Variants in PPP3R1 observed in about 807,000 individuals in gnomAD.
PPP3R1 encodes the protein calcineurin subunit B type 1.
Under a neutral mutation model 22.6 loss-of-function variants are expected in PPP3R1, and 5 were observed. The ratio of observed to expected loss-of-function variants is 0.22; its 90% CI spans 0.12 to 0.46. PPP3R1 has a LOEUF of 0.46. Ranked by LOEUF, PPP3R1 falls within the 20% of genes least tolerant of loss-of-function variation. The probability of loss-of-function intolerance (pLI) is 0.99; values close to 1 mark genes in which losing one functional copy is unlikely to be tolerated. For synonymous variants in PPP3R1, 56 were observed against 65.2 expected, an observed-to-expected ratio of 0.86 and a Z score of 0.68; for missense variants, 61 against 203.2, an observed-to-expected ratio of 0.30 and a Z score of 4.25.
At chr2:68,236,453 CT>C (rs1389572287) in intron 1 of PPP3R1, among the ~76,000 whole-genome samples, 1 of 152,158 alleles carries the variant, frequency 6.6e-6, no homozygotes, top group African/African-American at 2.4e-5. Flanking sequence ...CTAATTACCC[CT>C]AACCTAAAAT....
At position 68,235,736 on chromosome 2, in the gene PPP3R1, G is replaced by A. The variant is rs182317044; in HGVS notation, c.3+16389C>T. ...TATATACCCAGGAATGGAATTACTA[G>A]GTCATATGGTAACTCTATGTTTGAC... On this transcript the variant is annotated intron_variant, in intron 1 of 5. Transcript: ENST00000234310. Among the ~76,000 whole-genome samples the A allele has an allele frequency of 5.7e-4, 86 of 152,178 alleles. No homozygotes were observed. In the South Asian group the frequency reaches 0.011, roughly 19 times the overall value.
intron 1 of PPP3R1, among the ~76,000 whole-genome samples, chr2:68,227,438 G>A (rs931325852): frequency 1.3e-4 from 19 of 151,952 alleles, no homozygotes; most frequent in African/African-American, 4.6e-4. Context: ...TTCTAGAACA[G>A]ATTCTCCTTA....
At chr2:68,186,421 T>A (rs1315592236) in intron 5 of PPP3R1, 47 bp downstream of exon 5, 1 of 1,509,670 alleles carries the variant, frequency 6.6e-7, no homozygotes, top group African/African-American at 1.4e-5. Flanking sequence ...TTTTAAAATA[T>A]GTTGCTGAAA....
At chr2:68,203,390 T>C (rs1002208970) in intron 2 of PPP3R1, among the ~76,000 whole-genome samples, 49 of 152,252 alleles carry the variant, frequency 3.2e-4, no homozygotes, top group African/African-American at 1.1e-3. Flanking sequence ...TCACCTGAGG[T>C]CAGGAGTTCA....
At chr2:68,238,844 G>GA (rs921239660) in intron 1 of PPP3R1, among the ~76,000 whole-genome samples, 1 of 151,964 alleles carries the variant, frequency 6.6e-6, no homozygotes, top group Non-Finnish European at 1.5e-5. Context: ...TTATGTCCCT[G>GA]AAAAAAACCT....
chr2:68,234,543 A>T (rs1427754244), intron 1 of PPP3R1, among the ~76,000 whole-genome samples: 1 of 152,192 alleles, frequency 6.6e-6, no homozygotes, highest in Non-Finnish European at 1.5e-5. Flanking sequence ...CTTAAATTCA[A>T]GTGGCTTGTT....
At chr2:68,185,993 G>A (rs1336462166) in intron 5 of PPP3R1, among the ~76,000 whole-genome samples, 1 of 152,174 alleles carries the variant, frequency 6.6e-6, no homozygotes, top group African/African-American at 2.4e-5. Flanking sequence ...ATAAAAAGGA[G>A]GAAGAAAATC....
In PPP3R1 at chr2:68,186,591, C is replaced by G; in HGVS notation, c.342G>C (p.Gln114His). The G allele has an allele frequency of 1.2e-6, 2 of 1,612,720 alleles. No individual in the cohort carries two copies. Among genetic ancestry groups the G allele is most frequent in the Non-Finnish European group, 1.7e-6 (2 of 1,178,894 alleles). Reference sequence around the variant, plus strand: ...TGTTCCCCACCATCATCTTCAATACCTGGAAGAGTTCCCCATTGGAAATAT... The same window carrying G: ...TGTTCCCCACCATCATCTTCAATACGTGGAAGAGTTCCCCATTGGAAATAT... ...DGYISNGELF[Q>H]VLKMMVGNNL... Residue 114 changes from glutamine to histidine, a missense_variant, in exon 5 of 6, where the codon CAG (glutamine) becomes CAC (histidine). Physicochemically the swap from Gln to His is conservative, Grantham distance 24 (BLOSUM62 0). Coordinates refer to ENST00000234310, the MANE Select transcript of PPP3R1 (RefSeq NM_000945.4).
intron 3 of PPP3R1, among the ~76,000 whole-genome samples, chr2:68,187,758 T>C (rs988280395): frequency 5.3e-5 from 8 of 152,192 alleles, no homozygotes; most frequent in African/African-American, 1.9e-4. Context: ...CTTCACTGCC[T>C]GATAAGCACT....
At chr2:68,231,996 A>T (rs1478161513) in intron 1 of PPP3R1, among the ~76,000 whole-genome samples, 1 of 151,200 alleles carries the variant, frequency 6.6e-6, no homozygotes, top group African/African-American at 2.4e-5. Flanking sequence ...GCCGTGGCTC[A>T]TGCCTGTAAT....
intron 1 of PPP3R1, among the ~76,000 whole-genome samples, chr2:68,222,769 T>C (rs746179936): frequency 6.6e-6 from 1 of 152,160 alleles, no homozygotes; most frequent in Admixed American, 6.5e-5. Context: ...TCTAGACATA[T>C]GTATCTCCTA....
intron 2 of PPP3R1, among the ~76,000 whole-genome samples, chr2:68,216,372 G>T (rs1669579163): frequency 2.0e-5 from 3 of 151,732 alleles, no homozygotes; most frequent in African/African-American, 7.3e-5. Flanking sequence ...ATTTTATTCT[G>T]AAAGTTTGCT....
chr2:68,240,109 A>C (rs1670091299), intron 1 of PPP3R1, among the ~76,000 whole-genome samples: 1 of 152,232 alleles, frequency 6.6e-6, no homozygotes, highest in Non-Finnish European at 1.5e-5. Context: ...CAATGGGTTT[A>C]TCGGGATGTA....
chr2:68,242,803 T>C (rs1035506645), intron 1 of PPP3R1, among the ~76,000 whole-genome samples: 5 of 152,026 alleles, frequency 3.3e-5, no homozygotes, highest in Admixed American at 3.3e-4. Flanking sequence ...TGAAAGAAAA[T>C]CATCCCTGAA....
At chr2:68,198,384 CATATATATGT>C (rs1387315447) in intron 2 of PPP3R1, among the ~76,000 whole-genome samples, 1 of 101,288 alleles carries the variant, frequency 9.9e-6, no homozygotes. Flanking sequence ...CATGTATATG[CATATATATGT>C]ATATATATGT....
intron 2 of PPP3R1, among the ~76,000 whole-genome samples, chr2:68,209,180 A>T (rs969629957): frequency 4.0e-5 from 6 of 149,394 alleles, no homozygotes; most frequent in African/African-American, 1.2e-4. Context: ...AAAACGGTGA[A>T]ACCCCGTCTC....
chr2:68,229,418 T>C (rs114267598), intron 1 of PPP3R1, among the ~76,000 whole-genome samples: 1,723 of 152,340 alleles, frequency 0.011, 27 homozygotes, highest in African/African-American at 0.04. Flanking sequence ...GTTGATTACA[T>C]ATGTTGAGTA....
At chr2:68,243,187 T>C (rs1018339946) in intron 1 of PPP3R1, among the ~76,000 whole-genome samples, 1 of 152,206 alleles carries the variant, frequency 6.6e-6, no homozygotes, top group African/African-American at 2.4e-5. Context: ...TTATTAGTGC[T>C]AAATTTCAAA....
intron 4 of PPP3R1, among the ~76,000 whole-genome samples, chr2:68,186,934 A>G (rs1443647400): frequency 1.3e-5 from 2 of 152,186 alleles, no homozygotes; most frequent in East Asian, 3.9e-4. Flanking sequence ...AACAACTCCA[A>G]CCTCTCCGGT....
Sources: allele counts gnomAD v4.1 joint callset (sites outside exome capture counted in the v4.1 genomes callset), GRCh38; gene constraint gnomAD v4.1.1; transcripts MANE v1.5; gene names NCBI Gene and HGNC (gene_info 2026-07-23, HGNC 2026-07-21).